Variants in TMOD3 observed in about 807,000 individuals in gnomAD.
TMOD3 encodes tropomodulin 3.
A neutral mutation model predicts 39.2 loss-of-function variants in TMOD3; 20 were observed. The observed-to-expected ratio is 0.51, with a 90% CI of 0.36 to 0.74. The LOEUF is 0.74. TMOD3 is among the 30% of genes least tolerant of loss of function. The pLI is 0.00. For synonymous variants in TMOD3, 143 were observed against 145.8 expected (o/e 0.98, Z 0.14); for missense variants, 381 against 412.8 (o/e 0.92, Z 0.67).
At chr15:51,838,139 C>T (rs1308323534) in intron 1 of TMOD3, among the ~76,000 whole-genome samples, 1 of 152,070 alleles carries the variant, frequency 6.6e-6, no homozygotes, top group Admixed American at 6.5e-5. Context: ...CTTCTTCTTG[C>T]CCTGGATTCC....
rs368194389 is a variant in TMOD3, at chr15:51,902,015, A to G, written c.1003A>G (p.Ile335Val). The G allele has an allele frequency of 1.9e-6, 3 of 1,613,984 alleles. No homozygotes were observed. Among genetic ancestry groups the G allele is most frequent in the African/African-American group, 1.3e-5 (1 of 74,940 alleles). ...QGPRTRAANAITKNNDLVRKR... is the reference protein window; with the variant it reads ...QGPRTRAANAVTKNNDLVRKR... ...ACCACGAACCAGAGCAGCTAATGCT[A>G]TAACAAAAAACAATGACTTAGGTAA... Residue 335 changes from isoleucine to valine, a missense_variant, in exon 9 of 10, where the codon ATA becomes GTA. By Grantham distance (29) the Ile-to-Val change is conservative. Coordinates refer to ENST00000308580, the MANE Select transcript of TMOD3 (RefSeq NM_014547.5).
At chr15:51,833,451 A>G (rs935309468) in intron 1 of TMOD3, 2 of 152,250 alleles carry the variant, frequency 1.3e-5, no homozygotes, top group Non-Finnish European at 2.9e-5. Flanking sequence ...ACAATTGTAT[A>G]CACTGTAACT....
chr15:51,846,228 G>A (rs1353858998), intron 1 of TMOD3, among the ~76,000 whole-genome samples: 2 of 151,994 alleles, frequency 1.3e-5, no homozygotes, highest in Admixed American at 1.3e-4. Context: ...CTACTTGAGA[G>A]GCTGAAGTGG....
intron 1 of TMOD3, among the ~76,000 whole-genome samples, chr15:51,854,191 T>C (rs1047161327): frequency 6.6e-6 from 1 of 152,206 alleles, no homozygotes; most frequent in Non-Finnish European, 1.5e-5. Flanking sequence ...AAATAGTAAA[T>C]ATTTTAGCTT....
At chr15:51,878,942 A>G (rs1314823443) in intron 3 of TMOD3, among the ~76,000 whole-genome samples, 1 of 152,180 alleles carries the variant, frequency 6.6e-6, no homozygotes, top group Non-Finnish European at 1.5e-5. Context: ...TATATTTTTT[A>G]TATACTCAGC....
At chr15:51,860,380 C>A in intron 1 of TMOD3, 1 of 544,086 alleles carries the variant, frequency 1.8e-6, no homozygotes. Context: ...TCCATGTTGG[C>A]TTTTTGAAAT....
chr15:51,904,966 A>G (rs2056670756), intron 9 of TMOD3, among the ~76,000 whole-genome samples: 2 of 152,204 alleles, frequency 1.3e-5, no homozygotes, highest in South Asian at 2.1e-4. Flanking sequence ...TCCCAGTTAC[A>G]CTGTTTCATT....
intron 1 of TMOD3, among the ~76,000 whole-genome samples, chr15:51,838,112 C>T (rs187080479): frequency 6.8e-4 from 104 of 152,176 alleles, no homozygotes; most frequent in African/African-American, 2.5e-3. Context: ...GAAGATCGCT[C>T]CTTTCCCTTT....
intron 3 of TMOD3, among the ~76,000 whole-genome samples, chr15:51,875,914 G>T (rs1045379768): frequency 6.6e-6 from 1 of 151,890 alleles, no homozygotes; most frequent in Non-Finnish European, 1.5e-5. Context: ...CACCGTGCCC[G>T]GCCTAAAGTA....
Position 51,859,241 on chromosome 15 carries a change from TC to T in TMOD3, c.-74-3567del, listed in dbSNP as rs929028918. ...TAGCTACAGATGCCTCTGCTGACTC[TC>T]CCTGCAACATTTTCATTGCTCGCCA... On this transcript the variant is annotated intron_variant, in intron 1 of 9. Transcript: ENST00000308580. 1.3e-5 allele frequency: 10 copies of T among 742,806 alleles called. No individual in the cohort carries two copies. The African/African-American group carries it at 1.4e-4, about 10-fold the overall frequency. The allele number at this position is 742,806 out of a possible 1,614,324, so 46.0% of individuals were successfully genotyped here.
intron 2 of TMOD3, among the ~76,000 whole-genome samples, chr15:51,865,754 A>G (rs1471689260): frequency 6.6e-6 from 1 of 152,216 alleles, no homozygotes; most frequent in Admixed American, 6.5e-5. Context: ...TACTTCAGCC[A>G]AAGAAACACC....
chr15:51,896,587 A>C, intron 7 of TMOD3, 61 bp downstream of exon 7: 1 of 1,253,434 alleles, frequency 8.0e-7, no homozygotes, highest in Admixed American at 1.9e-5. Flanking sequence ...TACAGTGGTG[A>C]TTTTTATGAA....
intron 7 of TMOD3, among the ~76,000 whole-genome samples, chr15:51,896,745 T>G (rs1007238093): frequency 6.6e-6 from 1 of 152,232 alleles, no homozygotes; most frequent in Non-Finnish European, 1.5e-5. Context: ...TATGAATTTT[T>G]TAAAACATAA....
At chr15:51,879,234 G>A (rs993597129) in intron 3 of TMOD3, among the ~76,000 whole-genome samples, 1 of 152,052 alleles carries the variant, frequency 6.6e-6, no homozygotes, top group South Asian at 2.1e-4. Context: ...CTGCTGTTTT[G>A]TAGTTGCAGA....
intron 1 of TMOD3, among the ~76,000 whole-genome samples, chr15:51,857,012 G>A (rs1262608508): frequency 1.3e-5 from 2 of 152,126 alleles, no homozygotes; most frequent in East Asian, 1.9e-4. Context: ...GAGACTATAA[G>A]CAACTTAAAT....
At chr15:51,856,946 G>T (rs1000290989) in intron 1 of TMOD3, among the ~76,000 whole-genome samples, 3 of 152,282 alleles carry the variant, frequency 2.0e-5, no homozygotes, top group East Asian at 1.9e-4. Flanking sequence ...ACTCTCTCAC[G>T]CATGTGTACC....
Position 51,908,853 on chromosome 15 carries a change from A to G in TMOD3, c.*43A>G. The G allele has an allele frequency of 6.4e-7, 1 of 1,556,526 alleles. No homozygotes were observed. Reference sequence around the variant, plus strand: ...CTTTGGAAGACTTCAGAAGATCACCAAGGGCTCATGTTGGTGACATCATGT... The same window carrying G: ...CTTTGGAAGACTTCAGAAGATCACCGAGGGCTCATGTTGGTGACATCATGT... On this transcript the variant is annotated 3_prime_UTR_variant, in exon 10 of 10. Coordinates refer to ENST00000308580, the MANE Select transcript of TMOD3 (RefSeq NM_014547.5).
Position 51,881,550 on chromosome 15 carries a change from C to CTTTTT in TMOD3, c.284-6015_284-6011dup, listed in dbSNP as rs753814979. On this transcript the variant is annotated intron_variant, in intron 3 of 9. Transcript: ENST00000308580. ...ACGGAGATACAATCTTTCTTTATTT[C>CTTTTT]TTTTTTTTTTTTTTTTTTTTTTTTT... 3.5e-3 allele frequency among the ~76,000 whole-genome samples: 216 copies of CTTTTT among 61,824 alleles called. 25 individuals are homozygous for CTTTTT. The highest frequency in any genetic ancestry group is 0.013 in the African/African-American group (185 of 14,584). The allele number at this position is 61,824 out of a possible 152,430, so 40.6% of individuals were successfully genotyped here.
At chr15:51,907,407 C>T (rs1341152457) in intron 9 of TMOD3, 1 of 152,180 alleles carries the variant, frequency 6.6e-6, no homozygotes, top group Admixed American at 6.5e-5. Flanking sequence ...TTTAGTCCTT[C>T]TGGTTTTATT....
Sources: gnomAD v4.1 joint callset for allele counts (sites outside exome capture counted in the v4.1 genomes callset) on GRCh38, gnomAD v4.1.1 for gene constraint, MANE v1.5 for transcripts, NCBI Gene and HGNC (gene_info 2026-07-23, HGNC 2026-07-21) for gene names.